Variants in LIG1 observed in about 807,000 individuals in gnomAD.
The protein encoded by LIG1 is DNA ligase 1.
A neutral mutation model predicts 115.7 loss-of-function variants in LIG1; 70 were observed. That is an observed-to-expected ratio of 0.60 (90% CI 0.50 to 0.74). The LOEUF is 0.74. LIG1 is among the 30% of genes least tolerant of loss of function. LIG1 has a pLI of 0.00. For missense variants in LIG1, 1,115 were observed against 1,225.6 expected, an observed-to-expected ratio of 0.91 and a Z score of 1.35; for synonymous variants, 487 against 495.3, an observed-to-expected ratio of 0.98 and a Z score of 0.22.
At chr19:48,128,079 C>T in intron 19 of LIG1, 59 bp from the exon 20 acceptor site, 8 of 1,312,146 alleles carry the variant, frequency 6.1e-6, no homozygotes, top group Non-Finnish European at 7.7e-6. Context: ...GGTGGAAAGA[C>T]AAACACGGGG....
rs763944587 is a variant in LIG1 at position 48,139,993 on chromosome 19, G to C, written c.1065C>G (p.Leu355=). Residue 355 remains leucine, a synonymous_variant, in exon 12 of 28, where the codon CTC becomes CTG. Transcript: ENST00000263274. ...TACCTGTGGCCTGGGCCACTGCCTT[G>C]AGAAGGACACCATCACCCACGCCAA... The part of the protein sequence containing the change: ...LELGVGDGVL[L]KAVAQATGRQ... 64 of 1,614,048 alleles carry C rather than the reference G, an allele frequency of 4.0e-5. No homozygotes were observed. The highest frequency in any genetic ancestry group is 5.1e-5 in the Non-Finnish European group (60 of 1,180,048).
chr19:48,159,313 A>G (rs570285726), intron 4 of LIG1, among the ~76,000 whole-genome samples: 1 of 152,114 alleles, frequency 6.6e-6, no homozygotes, highest in South Asian at 2.1e-4. Flanking sequence ...CTCGTGATCC[A>G]CCCGCCTTGG....
intron 19 of LIG1, among the ~76,000 whole-genome samples, chr19:48,129,551 C>A (rs1001063256): frequency 6.6e-6 from 1 of 152,118 alleles, no homozygotes; most frequent in Non-Finnish European, 1.5e-5. Context: ...GGAGCAGATG[C>A]CCAGTAAATA....
At chr19:48,145,354 T>A (rs1568522728) in intron 9 of LIG1, among the ~76,000 whole-genome samples, 1 of 152,102 alleles carries the variant, frequency 6.6e-6, no homozygotes, top group Non-Finnish European at 1.5e-5. Context: ...TCTGGGGAGC[T>A]AAGGGGTCCC....
At chr19:48,142,801 G>C (rs3730941) in intron 11 of LIG1, among the ~76,000 whole-genome samples, 1 of 152,042 alleles carries the variant, frequency 6.6e-6, no homozygotes, top group Non-Finnish European at 1.5e-5. Flanking sequence ...CCGCCACCAT[G>C]CTGGGCTAAT....
chr19:48,130,430 TCCC>T (rs1481368062), intron 19 of LIG1, among the ~76,000 whole-genome samples: 1 of 152,200 alleles, frequency 6.6e-6, no homozygotes, highest in Non-Finnish European at 1.5e-5. Context: ...TGCAGAGAAG[TCCC>T]CAACTCTGGG....
intron 5 of LIG1, among the ~76,000 whole-genome samples, chr19:48,155,135 G>A (rs1240620309): frequency 6.6e-6 from 1 of 152,080 alleles, no homozygotes; most frequent in East Asian, 1.9e-4. Flanking sequence ...CATGCCCTCA[G>A]CCACACTGTG....
chr19:48,143,446 T>G, intron 11 of LIG1, 97 bp downstream of exon 11: 3 of 1,152,044 alleles, frequency 2.6e-6, no homozygotes, highest in Non-Finnish European at 3.9e-6. Context: ...GAGGCCAAGT[T>G]GACAGGGTTT....
At chr19:48,136,220 A>G (rs1194420111) in intron 14 of LIG1, 95 bp from the exon 15 acceptor site, 13 of 852,006 alleles carry the variant, frequency 1.5e-5, no homozygotes, top group African/African-American at 1.2e-4. Flanking sequence ...ATGTATGTAG[A>G]CCCTCTCCTC....
At chr19:48,135,962 G>A in intron 15 of LIG1, 72 bp downstream of exon 15, 3 of 1,279,710 alleles carry the variant, frequency 2.3e-6, no homozygotes, top group Non-Finnish European at 3.3e-6. Context: ...GCGGGCATGG[G>A]CCTCTGAAGA....
chr19:48,127,180 T>C, intron 21 of LIG1, 97 bp downstream of exon 21: 1 of 975,732 alleles, frequency 1.0e-6, no homozygotes, highest in South Asian at 1.3e-5. Flanking sequence ...CCATGTGAAG[T>C]GGCAGAGTCG....
At position 48,145,190 on chromosome 19, in the gene LIG1, C is replaced by T. The variant is rs758352112; in HGVS notation, c.777-1227G>A. Among the ~76,000 whole-genome samples the T allele has an allele frequency of 3.3e-5, 5 of 152,198 alleles. No homozygotes were observed. In the East Asian group the frequency reaches 7.7e-4, roughly 23 times the overall value. On this transcript the variant is annotated intron_variant, in intron 9 of 27. Coordinates refer to ENST00000263274, the MANE Select transcript of LIG1 (RefSeq NM_000234.3). ...CTGGGATTATAGGCATGAGCCACTG[C>T]GCCCGGCCTCAACCTTTATATCGTA...
At chr19:48,149,713 A>C (rs1342714585) in intron 9 of LIG1, 50 bp downstream of exon 9, 2 of 1,460,646 alleles carry the variant, frequency 1.4e-6, no homozygotes, top group East Asian at 4.5e-5. Flanking sequence ...CGGAATGCAG[A>C]GAAGGGAACA....
At chr19:48,143,636 G>A (rs377741926) in intron 10 of LIG1, 37 bp from the exon 11 acceptor site, 29 of 1,568,874 alleles carry the variant, frequency 1.8e-5, no homozygotes, top group Non-Finnish European at 2.4e-5. Flanking sequence ...TGACAGTGGT[G>A]CAGGCTATAC....
intron 4 of LIG1, among the ~76,000 whole-genome samples, chr19:48,159,101 G>C (rs944882187): frequency 3.4e-5 from 5 of 146,140 alleles, no homozygotes. Flanking sequence ...TTTTTGAGAT[G>C]GAGTCTTGCC....
At chr19:48,157,238 C>A in intron 4 of LIG1, 98 bp from the exon 5 acceptor site, 2 of 1,352,112 alleles carry the variant, frequency 1.5e-6, no homozygotes, top group Middle Eastern at 2.7e-4. Flanking sequence ...CTCTGTCTAC[C>A]CTCCTTTCTG....
At chr19:48,126,325 G>T (rs770353047) in intron 21 of LIG1, among the ~76,000 whole-genome samples, 20 of 152,062 alleles carry the variant, frequency 1.3e-4, no homozygotes, top group Non-Finnish European at 1.5e-5. Flanking sequence ...ATTATTCAAG[G>T]CCAGGCGTGG....
chr19:48,136,286 A>T (rs1240469768), intron 14 of LIG1, among the ~76,000 whole-genome samples, 161 bp from the exon 15 acceptor site: 3 of 152,194 alleles, frequency 2.0e-5, no homozygotes, highest in Admixed American at 2.0e-4. Flanking sequence ...ACACAGCCCC[A>T]TGTGACAGAT....
rs1305684389 is a variant in LIG1, at chr19:48,121,203, G to A, written c.2352C>T (p.Asp784=). ...RYGGFLLASY[D]EDSEELQAIC... ...TGGCCTGCAGCTCCTCACTGTCCTC[G>A]TCGTAGGAGGCCAGCAGGAAGCCCC... The change falls in exon 24 of 28, where the codon GAC becomes GAT. Residue 784 remains aspartate (D), a synonymous_variant. Transcript: ENST00000263274. The A allele has an allele frequency of 9.9e-6, 16 of 1,613,884 alleles. No homozygotes were observed. Among genetic ancestry groups the A allele is most frequent in the African/African-American group, 2.7e-5 (2 of 74,902 alleles).
Sources: gnomAD v4.1 joint callset for allele counts (sites outside exome capture counted in the v4.1 genomes callset) on GRCh38, gnomAD v4.1.1 for gene constraint, MANE v1.5 for transcripts, NCBI Gene and HGNC (gene_info 2026-07-23, HGNC 2026-07-21) for gene names.